Variants in ATG2A observed in about 807,000 individuals in gnomAD.
The protein encoded by ATG2A is autophagy related 2A, also known as autophagy-related protein 2 homolog A.
Under a neutral mutation model 214.2 loss-of-function variants are expected in ATG2A, and 103 were observed. The observed-to-expected ratio is 0.48, with a 90% CI of 0.41 to 0.57. The LOEUF is 0.57. Among genes scored for constraint, ATG2A ranks in the 20% least tolerant of loss-of-function variants. The pLI is 0.00. For missense variants in ATG2A, 2,312 were observed against 2,613.2 expected (o/e 0.88, Z 2.51); for synonymous variants, 1,160 against 1,142.1 (o/e 1.02, Z -0.32).
At position 64,898,117 on chromosome 11, in the gene ATG2A, G is replaced by T. The variant is rs1161876777; in HGVS notation, c.4827C>A (p.Asn1609Lys). Residue 1609 changes from asparagine (N) to lysine (K), a missense_variant, in exon 34 of 41, where the codon AAC becomes AAA. Transcript: ENST00000377264. This position sits in a 1 kb window ranked among gnomAD's most constrained non-coding sequence, Gnocchi z 4.5. ...CGGAGGTCTCCCCTGGGACCACGGG[G>T]TTGATGCCGGCCACCAGACTAGTGA... is the stretch of plus-strand genomic sequence containing the variant. ...DFFTSLVAGI[N>K]PVVPGETSAE... The T allele has an allele frequency of 1.2e-6, 2 of 1,614,044 alleles. No homozygotes were observed. The highest frequency in any genetic ancestry group is 1.7e-6 in the Non-Finnish European group (2 of 1,180,028).
intron 19 of ATG2A, 126 bp downstream of exon 19, chr11:64,907,129 G>A (rs1860106513): frequency 7.5e-6 from 9 of 1,194,740 alleles, no homozygotes; most frequent in South Asian, 4.9e-5. Flanking sequence ...GCGTGGGTGG[G>A]CTGGCGCTGC....
chr11:64,895,325 C>G lies in ATG2A; in HGVS notation c.5545G>C (p.Glu1849Gln). ...GTGTCGTAGGCCTTGGCCACACCCT[C>G]CCGCAGGTCGGCAGGCTGCTGGCCC... Reference protein sequence around the residue: ...RRGQQPADLREGVAKAYDTVR... With the variant: ...RRGQQPADLRQGVAKAYDTVR... Residue 1849 changes from glutamate to glutamine, a missense_variant, in exon 40 of 41, where the codon GAG becomes CAG. Transcript: ENST00000377264. The surrounding 1 kb of genome is among the most constrained non-coding windows in gnomAD (Gnocchi z 5.0). 6.2e-7 allele frequency: 1 copy of G among 1,613,452 alleles called. No individual in the cohort carries two copies. Among genetic ancestry groups the G allele is most frequent in the Non-Finnish European group, 8.5e-7 (1 of 1,179,884 alleles).
At chr11:64,897,356 C>A in intron 37 of ATG2A, 56 bp downstream of exon 37, 1 of 1,539,580 alleles carries the variant, frequency 6.5e-7, no homozygotes, top group South Asian at 1.2e-5. Context: ...CAGTCAGGAC[C>A]AGAACAGAAG....
At position 64,910,952 on chromosome 11, in the gene ATG2A, A is replaced by C; in HGVS notation, c.1469T>G (p.Leu490Arg). The change falls in exon 11 of 41, where the codon CTA (leucine) becomes CGA (arginine). Residue 490 changes from leucine to arginine, a missense_variant and splice_region_variant. By Grantham distance (102) the Leu-to-Arg change is moderately radical. Coordinates refer to ENST00000377264, the MANE Select transcript of ATG2A (RefSeq NM_015104.3). ...GGACAGCTGCACGGCTGTGCCCGTT[A>C]GCCTGCGGGGAAGAGGACAGGCGTC... is the stretch of plus-strand genomic sequence containing the variant. ...QRACPCSHVR[L>R]TGTAVQLSWE... is the part of the protein sequence containing the mutation. 1 of 1,613,390 alleles carries C rather than the reference A, an allele frequency of 6.2e-7. No individual in the cohort carries two copies.
chr11:64,914,123 G>A lies in ATG2A; in HGVS notation c.445C>T (p.Pro149Ser). ...GLPEPSEPPQ[P>S]LEGLEMFAQT... ...GCAAACATCTCCAGCCCCTCCAGGGGCTGTGGTGGCTCAGAGGGCTCCGGT... is the reference window on the plus strand; with the variant it reads ...GCAAACATCTCCAGCCCCTCCAGGGACTGTGGTGGCTCAGAGGGCTCCGGT... The change falls in exon 3 of 41, where the codon CCC becomes TCC. Residue 149 changes from proline (P) to serine (S), a missense_variant. Pro to Ser is a moderately conservative substitution (Grantham distance 74). Transcript: ENST00000377264. The A allele has an allele frequency of 6.4e-7, 1 of 1,553,044 alleles. No individual in the cohort carries two copies. The highest frequency in any genetic ancestry group is 8.7e-7 in the Non-Finnish European group (1 of 1,148,180).
Position 64,911,108 on chromosome 11 carries a change from G to T in ATG2A, c.1396C>A (p.Pro466Thr). 6.2e-7 allele frequency: 1 copy of T among 1,614,134 alleles called. No homozygotes were observed. Among genetic ancestry groups the T allele is most frequent in the Non-Finnish European group, 8.5e-7 (1 of 1,180,042 alleles). ...TGATGGAAGTCTCGGGAACCGAAGG[G>T]CCCATCCTTGGTGGCATCAAACTCG... ...FTEFDATKDG[P>T]FGSRDFHHLR... is the part of the protein sequence containing the mutation. The change falls in exon 10 of 41, where the codon CCC becomes ACC. Residue 466 changes from proline to threonine, a missense_variant. Coordinates refer to ENST00000377264, the MANE Select transcript of ATG2A (RefSeq NM_015104.3).
chr11:64,904,189 C>T (rs1160426710), intron 24 of ATG2A, among the ~76,000 whole-genome samples: 4 of 148,986 alleles, frequency 2.7e-5, no homozygotes, highest in African/African-American at 5.0e-5. Flanking sequence ...GGGGTTGCAG[C>T]GAGCCTAGAT....
chr11:64,910,835 C>T lies in ATG2A; in HGVS notation c.1586G>A (p.Arg529Gln), dbSNP rs370569187. 14 of 1,608,872 alleles carry T rather than the reference C, an allele frequency of 8.7e-6. 1 individual carries two copies. Among genetic ancestry groups the T allele is most frequent in the Middle Eastern group, 3.3e-4 (2 of 6,080 alleles). ...QLEVLECLWP[R>Q]GTSEPEYTEI... ...CGTGTACTCAGGCTCAGAGGTGCCC[C>T]GGGGCCACAGACACTCCAGCACCTC... Residue 529 changes from arginine (R) to glutamine (Q), a missense_variant, in exon 11 of 41, where the codon CGG (arginine) becomes CAG (glutamine). Coordinates refer to ENST00000377264, the MANE Select transcript of ATG2A (RefSeq NM_015104.3).
intron 14 of ATG2A, 135 bp from the exon 15 acceptor site, chr11:64,909,502 G>A: frequency 7.2e-7 from 1 of 1,393,996 alleles, no homozygotes; most frequent in Non-Finnish European, 9.9e-7. Context: ...AGAGACAAAG[G>A]GTCCACCCTA....
rs181696531 is a variant in ATG2A, at chr11:64,912,707, C to T, written c.826-284G>A. The T allele has an allele frequency of 1.1e-3, 499 of 448,988 alleles. 3 individuals are homozygous for T. The highest frequency in any genetic ancestry group is 9.4e-3 in the African/African-American group (464 of 49,354). 27.8% of individuals were successfully genotyped at this position (448,988 alleles called of 1,614,324 possible). On this transcript the variant is annotated intron_variant, in intron 6 of 40. Transcript: ENST00000377264. ...CTCCTGGGTTCAAGCGATTCTCCCGCCTCAGCCTCCCAAGAAGCTGGGATT... is the reference window on the plus strand; with the variant it reads ...CTCCTGGGTTCAAGCGATTCTCCCGTCTCAGCCTCCCAAGAAGCTGGGATT...
Position 64,912,212 on chromosome 11 carries a change from G to A in ATG2A, c.960C>T (p.Arg320=). Residue 320 remains arginine (R), a synonymous_variant, in exon 8 of 41, where the codon CGC becomes CGT. Transcript: ENST00000377264. ...GCCACAGGTCTTCGGCACCTAGCGGGCGGCTCTTGTTCAGCTTGTCAGCCA... is the reference window on the plus strand; with the variant it reads ...GCCACAGGTCTTCGGCACCTAGCGGACGGCTCTTGTTCAGCTTGTCAGCCA... ...EGLADKLNKS[R]PLGAEDLWLI... 3 of 1,613,746 alleles carry A rather than the reference G, an allele frequency of 1.9e-6. No individual in the cohort carries two copies. Among genetic ancestry groups the A allele is most frequent in the Non-Finnish European group, 2.5e-6 (3 of 1,179,954 alleles).
In ATG2A at chr11:64,905,556, T is replaced by C. The variant is rs1183851565; in HGVS notation, c.3464+7A>G. The C allele has an allele frequency of 6.2e-7, 1 of 1,608,172 alleles. No homozygotes were observed. Among genetic ancestry groups the C allele is most frequent in the East Asian group, 2.2e-5 (1 of 44,692 alleles). On this transcript the variant is annotated splice_region_variant and intron_variant, in intron 24 of 40. Coordinates refer to ENST00000377264, the MANE Select transcript of ATG2A (RefSeq NM_015104.3). The stretch of plus-strand genomic sequence containing the variant: ...TGGGATGGCCCAGTGTGGGGCGGCC[T>C]GCATACCTGAGCAGGAAGGTGGAGG...
rs201688178 is a variant in ATG2A at position 64,907,399 on chromosome 11, G to A, written c.2688C>T (p.Asp896=). The change falls in exon 19 of 41, where the codon GAC becomes GAT. Residue 896 remains aspartate, a synonymous_variant. Transcript: ENST00000377264. The part of the protein sequence containing the change: ...FDLTPDSDSD[D]EDAHFFSVGA... ...CCACTGAGAAGAAGTGGGCATCCTCGTCATCCGAGTCCGAGTCTGGGGTGA... is the reference window on the plus strand; with the variant it reads ...CCACTGAGAAGAAGTGGGCATCCTCATCATCCGAGTCCGAGTCTGGGGTGA... 1.3e-4 allele frequency: 199 copies of A among 1,580,732 alleles called. 1 individual carries two copies. In the Admixed American group the frequency reaches 1.5e-3, roughly 12 times the overall value.
rs1323579882 is a variant in ATG2A at position 64,903,338 on chromosome 11, G to A, written c.3562C>T (p.Leu1188Phe). 1 of 1,614,106 alleles carries A rather than the reference G, an allele frequency of 6.2e-7. No individual in the cohort carries two copies. The highest frequency in any genetic ancestry group is 1.1e-5 in the South Asian group (1 of 91,088). ...CAGGTTTTAATCACAAGTTCCAAGA[G>A]GTCAACATCCAAAACACAGACATAA... is the stretch of plus-strand genomic sequence containing the variant. ...RDYVCVLDVD[L>F]LELVIKTWKG... Residue 1188 changes from leucine (L) to phenylalanine (F), a missense_variant, in exon 26 of 41, where the codon CTC becomes TTC. Leu to Phe is a conservative substitution (Grantham distance 22). Transcript: ENST00000377264. The surrounding 1 kb of genome is among the most constrained non-coding windows in gnomAD (Gnocchi z 4.2).
chr11:64,907,836 C>T lies in ATG2A; in HGVS notation c.2419G>A (p.Ala807Thr), dbSNP rs761637620. Residue 807 changes from alanine (A) to threonine (T), a missense_variant, in exon 17 of 41, where the codon GCA (alanine) becomes ACA (threonine). Physicochemically the swap from Ala to Thr is moderately conservative, Grantham distance 58. Transcript: ENST00000377264. ...EMRTFQSRTL[A>T]LSRCSLEVIL... ...ACTTCCAGGCTGCAGCGGGACAGTG[C>T]CAGGGTCCGGCTCTGGAACGTCCTC... 2 of 1,613,328 alleles carry T rather than the reference C, an allele frequency of 1.2e-6. No homozygotes were observed. The highest frequency in any genetic ancestry group is 2.2e-5 in the South Asian group (2 of 90,978).
chr11:64,907,399 G>C lies in ATG2A; in HGVS notation c.2688C>G (p.Asp896Glu). 5 of 1,580,736 alleles carry C rather than the reference G, an allele frequency of 3.2e-6. No homozygotes were observed. The highest frequency in any genetic ancestry group is 2.3e-5 in the East Asian group (1 of 43,102). Reference sequence around the variant, plus strand: ...CCACTGAGAAGAAGTGGGCATCCTCGTCATCCGAGTCCGAGTCTGGGGTGA... The same window carrying C: ...CCACTGAGAAGAAGTGGGCATCCTCCTCATCCGAGTCCGAGTCTGGGGTGA... ...FDLTPDSDSD[D>E]EDAHFFSVGA... The change falls in exon 19 of 41, where the codon GAC becomes GAG. Residue 896 changes from aspartate (D) to glutamate (E), a missense_variant. Coordinates refer to ENST00000377264, the MANE Select transcript of ATG2A (RefSeq NM_015104.3).
chr11:64,906,928 A>G, intron 19 of ATG2A, 113 bp from the exon 20 acceptor site: 7 of 1,297,470 alleles, frequency 5.4e-6, no homozygotes, highest in Non-Finnish European at 7.3e-6. Flanking sequence ...TCCAGTTTCC[A>G]CCATGGACGC....
At position 64,896,835 on chromosome 11, in the gene ATG2A, G is replaced by C. The variant is rs773836517; in HGVS notation, c.5185C>G (p.Leu1729Val). Residue 1729 changes from leucine to valine, a missense_variant, in exon 38 of 41, where the codon CTC becomes GTC. Leu to Val is a conservative substitution (Grantham distance 32). Coordinates refer to ENST00000377264, the MANE Select transcript of ATG2A (RefSeq NM_015104.3). The part of the protein sequence containing the change: ...LGVDKVLGYA[L>V]NEWLQDIRKN... ...CGGATGTCCTGCAGCCACTCGTTGA[G>C]GGCATAGCCCAGCACCTTGTCCACA... is the stretch of plus-strand genomic sequence containing the variant. The C allele has an allele frequency of 6.2e-7, 1 of 1,614,192 alleles. No homozygotes were observed. Among genetic ancestry groups the C allele is most frequent in the Non-Finnish European group, 8.5e-7 (1 of 1,180,040 alleles).
rs762424279 is a variant in ATG2A, at chr11:64,903,678, T to C, written c.3465-18A>G. ...GGATGAACCTGGGGGGGAACAGGGC[T>C]GAGAAGGGCCCGGGCACCGCTGCAG... On this transcript the variant is annotated intron_variant, in intron 24 of 40. Coordinates refer to ENST00000377264, the MANE Select transcript of ATG2A (RefSeq NM_015104.3). The surrounding 1 kb of genome is among the most constrained non-coding windows in gnomAD (Gnocchi z 4.2). 10 of 1,546,626 alleles carry C rather than the reference T, an allele frequency of 6.5e-6. No homozygotes were observed. The South Asian group carries it at 8.3e-5, about 13-fold the overall frequency.
Sources: allele counts gnomAD v4.1 joint callset (sites outside exome capture counted in the v4.1 genomes callset), GRCh38; gene constraint gnomAD v4.1.1; non-coding constraint Gnocchi (gnomAD v3.1); transcripts MANE v1.5; gene names NCBI Gene and HGNC (gene_info 2026-07-23, HGNC 2026-07-21).